PKIB: variants seen among roughly 807,000 people sequenced by gnomAD.
PKIB encodes the protein PKI-beta.
Under a neutral mutation model 4.5 loss-of-function variants are expected in PKIB, and 2 were observed. That is an observed-to-expected ratio of 0.44 (90% CI 0.18 to 1.39). PKIB has a LOEUF of 1.39. Ranked by LOEUF, PKIB falls within the 40% of genes most tolerant of loss-of-function variation. The pLI, the probability that PKIB is intolerant of heterozygous loss-of-function variation, is 0.27. For missense variants in PKIB, 94 were observed against 92.6 expected, an observed-to-expected ratio of 1.02 and a Z score of -0.06; for synonymous variants, 38 against 36.0, an observed-to-expected ratio of 1.06 and a Z score of -0.20.
At chr6:122,669,580 T>C (rs1176354552) in intron 2 of PKIB, among the ~76,000 whole-genome samples, 2 of 152,202 alleles carry the variant, frequency 1.3e-5, no homozygotes, top group Non-Finnish European at 2.9e-5. Flanking sequence ...AATTTTCACA[T>C]TTTCATCTGT....
intron 3 of PKIB, among the ~76,000 whole-genome samples, chr6:122,677,345 A>T (rs187765700): frequency 3.3e-5 from 5 of 151,912 alleles, no homozygotes; most frequent in Admixed American, 6.6e-5. Flanking sequence ...GTTTTTTTTA[A>T]AACTGCCTCA....
At chr6:122,547,681 C>T (rs552958233) in intron 2 of PKIB, among the ~76,000 whole-genome samples, 44 of 152,246 alleles carry the variant, frequency 2.9e-4, no homozygotes, top group Admixed American at 1.5e-3. Context: ...CTGCCTGGTC[C>T]GGCTCTGCAG....
chr6:122,692,930 G>T lies in PKIB; in HGVS notation c.-9+17786G>T, dbSNP rs79126383. On this transcript the variant is annotated intron_variant, in intron 3 of 4. Transcript: ENST00000368452. ...TTTTGAATTTTAATCTTGGCAATTAGCAATACTTTAAATTATAAAGACTAT... is the reference window on the plus strand; with the variant it reads ...TTTTGAATTTTAATCTTGGCAATTATCAATACTTTAAATTATAAAGACTAT... Among the ~76,000 whole-genome samples the T allele has an allele frequency of 4.8e-3, 735 of 152,296 alleles. 22 individuals carry two copies. In the East Asian group the frequency reaches 0.097, roughly 20 times the overall value.
At chr6:122,693,152 T>C (rs1392081956) in intron 3 of PKIB, among the ~76,000 whole-genome samples, 2 of 152,202 alleles carry the variant, frequency 1.3e-5, no homozygotes, top group African/African-American at 4.8e-5. Context: ...CTCTGTACCC[T>C]GTGACGTATA....
At chr6:122,491,755 T>C (rs1426035377) in intron 2 of PKIB, among the ~76,000 whole-genome samples, 1 of 152,218 alleles carries the variant, frequency 6.6e-6, no homozygotes, top group Non-Finnish European at 1.5e-5. Flanking sequence ...TCTGATTTCA[T>C]AGCCATTTAT....
intron 3 of PKIB, among the ~76,000 whole-genome samples, chr6:122,675,568 T>C (rs1777638333): frequency 6.6e-6 from 1 of 152,178 alleles, no homozygotes; most frequent in South Asian, 2.1e-4. Context: ...CTATGACCAC[T>C]TTTGGTGAAT....
intron 2 of PKIB, among the ~76,000 whole-genome samples, chr6:122,521,744 A>G (rs908813850): frequency 6.6e-6 from 1 of 152,184 alleles, no homozygotes; most frequent in Non-Finnish European, 1.5e-5. Context: ...TTGATTTTCC[A>G]TCAGCTCCTG....
At chr6:122,688,908 G>A (rs545945302) in intron 3 of PKIB, among the ~76,000 whole-genome samples, 1 of 151,676 alleles carries the variant, frequency 6.6e-6, no homozygotes, top group Non-Finnish European at 1.5e-5. Context: ...AGCCTCCCGA[G>A]TGGCTGGGAC....
At chr6:122,572,366 C>T (rs1389264548) in intron 2 of PKIB, among the ~76,000 whole-genome samples, 1 of 151,956 alleles carries the variant, frequency 6.6e-6, no homozygotes, top group Non-Finnish European at 1.5e-5. Context: ...AAATAATCTG[C>T]ATTTGAATAA....
intron 3 of PKIB, among the ~76,000 whole-genome samples, chr6:122,699,284 A>AAT (rs747204549): frequency 1.3e-5 from 2 of 151,540 alleles, no homozygotes; most frequent in African/African-American, 4.9e-5. Flanking sequence ...TGTGAACTAA[A>AAT]ATATATATAT....
intron 2 of PKIB, among the ~76,000 whole-genome samples, chr6:122,642,540 A>G (rs760654553): frequency 6.6e-6 from 1 of 152,172 alleles, no homozygotes; most frequent in Non-Finnish European, 1.5e-5. Flanking sequence ...GCTATCTCAC[A>G]TGCCAGGTAA....
intron 2 of PKIB, among the ~76,000 whole-genome samples, chr6:122,510,222 T>C (rs1245617528): frequency 6.6e-6 from 1 of 152,198 alleles, no homozygotes; most frequent in Admixed American, 6.5e-5. Context: ...GTGTTTGTAA[T>C]TGTCTTTTGC....
rs766652277 is a variant in PKIB at position 122,725,175 on chromosome 6, C to G, written c.217C>G (p.Pro73Ala). 6.2e-7 allele frequency: 1 copy of G among 1,610,996 alleles called. No individual in the cohort carries two copies. Among genetic ancestry groups the G allele is most frequent in the Non-Finnish European group, 8.5e-7 (1 of 1,178,810 alleles). The change falls in exon 5 of 5, where the codon CCT becomes GCT. Residue 73 changes from proline (P) to alanine (A), a missense_variant. Transcript: ENST00000368452. ...EKTTQDQLEKPQNEEK is the reference protein window; with the variant it reads ...EKTTQDQLEKAQNEEK ...AACAACACAAGACCAATTGGAAAAG[C>G]CTCAAAATGAAGAAAAATGAAGGCT... is the stretch of plus-strand genomic sequence containing the variant.
intron 4 of PKIB, among the ~76,000 whole-genome samples, chr6:122,719,709 CCACACATACACACACA>C (rs1208755857): frequency 0.027 from 3,664 of 137,784 alleles, 71 homozygotes; most frequent in Non-Finnish European, 0.035. Context: ...AGTGTTCCCA[CCACACATACACACACA>C]CACACACACA....
At position 122,530,257 on chromosome 6, in the gene PKIB, T is replaced by G. The variant is rs180978349; in HGVS notation, c.-248+52318T>G. Among the ~76,000 whole-genome samples the G allele has an allele frequency of 1.3e-4, 20 of 152,252 alleles. No homozygotes were observed. The East Asian group carries it at 1.7e-3, about 13-fold the overall frequency. Reference sequence around the variant, plus strand: ...TAGTTTAATTGTTGAAATTTTCAGCTCCAGAATTTCTGTGTTTAAAAAAAA... The same window carrying G: ...TAGTTTAATTGTTGAAATTTTCAGCGCCAGAATTTCTGTGTTTAAAAAAAA... On this transcript the variant is annotated intron_variant, in intron 2 of 6. Transcript: ENST00000392491.
intron 3 of PKIB, among the ~76,000 whole-genome samples, chr6:122,588,816 A>T (rs1773930512): frequency 6.6e-6 from 1 of 152,210 alleles, no homozygotes. Context: ...TCTGAGAAAT[A>T]ATCTAGTCCT....
intron 2 of PKIB, among the ~76,000 whole-genome samples, chr6:122,485,942 C>T (rs113328042): frequency 5.7e-4 from 87 of 152,230 alleles, no homozygotes; most frequent in Middle Eastern, 3.4e-3. Flanking sequence ...CCCAAATTTA[C>T]AACATATGTC....
rs533553939 is a variant in PKIB at position 122,553,481 on chromosome 6, C to CTTTTTTTTTTTTTTTTTTTTTTTTTTT, written c.-247-32418_-247-32417insTTTTTTTTTTTTTTTTTTTTTTTTTTT. 2.4e-4 allele frequency among the ~76,000 whole-genome samples: 16 copies of CTTTTTTTTTTTTTTTTTTTTTTTTTTT among 65,834 alleles called. 3 individuals are homozygous for CTTTTTTTTTTTTTTTTTTTTTTTTTTT. The highest frequency in any genetic ancestry group is 4.8e-4 in the Admixed American group (2 of 4,138). The allele number at this position is 65,834 out of a possible 152,430, so 43.2% of individuals were successfully genotyped here. A position where few individuals can be genotyped will look rare whatever the true frequency, so the allele number is the denominator to read the frequency against. On this transcript the variant is annotated intron_variant, in intron 2 of 6. Coordinates refer to the PKIB transcript ENST00000392491. ...TCTCTCAAGATTGCTCAAATATCTT[C>CTTTTTTTTTTTTTTTTTTTTTTTTTTT]TTTTTTTTTTTTTTTTTTTTTTCTG...
At chr6:122,557,459 T>C (rs1772880478) in intron 2 of PKIB, among the ~76,000 whole-genome samples, 1 of 152,180 alleles carries the variant, frequency 6.6e-6, no homozygotes, top group Admixed American at 6.5e-5. Flanking sequence ...AGAACCGTAT[T>C]TCCCAGAATC....
Sources: gnomAD v4.1 joint callset for allele counts (sites outside exome capture counted in the v4.1 genomes callset) on GRCh38, gnomAD v4.1.1 for gene constraint, MANE v1.5 for transcripts, NCBI Gene and HGNC (gene_info 2026-07-23, HGNC 2026-07-21) for gene names.